The following DNAH17 variants were observed in gnomAD, a reference collection of about 807,000 sequenced individuals.
DNAH17 encodes axonemal beta dynein heavy chain 17.
A neutral mutation model predicts 485.6 loss-of-function variants in DNAH17; 376 were observed. The observed-to-expected ratio is 0.77, with a 90% CI of 0.71 to 0.84. The LOEUF (loss-of-function observed/expected upper bound fraction) is 0.84. Ranked by LOEUF, DNAH17 falls within the 40% of genes least tolerant of loss-of-function variation. The pLI is 0.00. For missense variants in DNAH17, 6,370 were observed against 5,839.3 expected (o/e 1.09, Z -2.96); for synonymous variants, 3,031 against 2,405.9 (o/e 1.26, Z -7.60).
intron 74 of DNAH17, among the ~76,000 whole-genome samples, chr17:78,436,526 G>A (rs1278568286): frequency 6.6e-6 from 1 of 152,134 alleles, no homozygotes; most frequent in South Asian, 2.1e-4. Context: ...AAATGCTGAG[G>A]TGCCAAAAGG....
chr17:78,540,026 G>A (rs924627036), intron 17 of DNAH17, 146 bp from the exon 18 acceptor site: 25 of 725,892 alleles, frequency 3.4e-5, no homozygotes, highest in African/African-American at 1.1e-4. Context: ...GGTGCTGGCC[G>A]CCTTCCTACT....
Position 78,548,202 on chromosome 17 carries a change from CTTTT to C in DNAH17, c.2391+3329_2391+3332del, listed in dbSNP as rs34701814. ...GTTGTTATTTCGTAGATGTCATGGC[CTTTT>C]TTTTTTTTTTTTTTTGGAGACAGAG... On this transcript the variant is annotated intron_variant, in intron 16 of 80. Transcript: ENST00000389840. Among the ~76,000 whole-genome samples, 367 of 80,120 alleles carry C rather than the reference CTTTT, an allele frequency of 4.6e-3. 2 individuals are homozygous for C. The Middle Eastern group carries it at 0.069, about 15-fold the overall frequency. The allele number at this position is 80,120 out of a possible 152,430, so 52.6% of individuals were successfully genotyped here.
At chr17:78,557,636 CAAAA>C (rs34251460) in intron 14 of DNAH17, among the ~76,000 whole-genome samples, 20 of 29,032 alleles carry the variant, frequency 6.9e-4, no homozygotes, top group African/African-American at 1.3e-3. Context: ...GAGACTGTCT[CAAAA>C]AAAAAAAAAA....
chr17:78,448,202 G>GA (rs59164677), intron 69 of DNAH17, among the ~76,000 whole-genome samples: 6,805 of 138,764 alleles, frequency 0.049, 523 homozygotes, highest in African/African-American at 0.16. Context: ...AACCAGAACA[G>GA]AAAAAAAAAA....
chr17:78,481,223 C>T (rs1429977877), intron 48 of DNAH17, among the ~76,000 whole-genome samples: 1 of 151,674 alleles, frequency 6.6e-6, no homozygotes, highest in Non-Finnish European at 1.5e-5. Context: ...CTGCCTCAGC[C>T]TCCCGAGTAG....
intron 56 of DNAH17, among the ~76,000 whole-genome samples, chr17:78,465,681 A>C (rs12946856): frequency 3.4e-4 from 45 of 130,976 alleles, no homozygotes; most frequent in East Asian, 1.2e-3. Context: ...AAGTGAGGAG[A>C]CCCTCTGCCC....
chr17:78,509,270 G>A (rs1432835192), intron 27 of DNAH17, among the ~76,000 whole-genome samples: 4 of 151,512 alleles, frequency 2.6e-5, no homozygotes, highest in African/African-American at 7.3e-5. Flanking sequence ...CCGGTCCCCC[G>A]CTAATTTTTT....
At chr17:78,530,677 C>T (rs2091209956) in intron 20 of DNAH17, among the ~76,000 whole-genome samples, 165 bp from the exon 21 acceptor site, 1 of 152,208 alleles carries the variant, frequency 6.6e-6, no homozygotes, top group Non-Finnish European at 1.5e-5. Flanking sequence ...CATGGGGGCC[C>T]TCATTCCAAG....
intron 61 of DNAH17, 148 bp downstream of exon 61, chr17:78,458,843 CGGCACCATCT>C: frequency 9.6e-7 from 1 of 1,044,964 alleles, no homozygotes; most frequent in Non-Finnish European, 1.4e-6. Context: ...AAGCGGCTCC[CGGCACCATCT>C]GGCCCCTGCC....
At chr17:78,484,174 T>C (rs1315984576) in intron 48 of DNAH17, among the ~76,000 whole-genome samples, 3 of 145,066 alleles carry the variant, frequency 2.1e-5, no homozygotes, top group African/African-American at 7.6e-5. Flanking sequence ...AACCTAAACG[T>C]GCCACCTTTG....
intron 11 of DNAH17, among the ~76,000 whole-genome samples, chr17:78,562,520 G>T (rs767302087): frequency 3.3e-5 from 5 of 152,134 alleles, no homozygotes; most frequent in Admixed American, 3.3e-4. Flanking sequence ...TACTCAGGAG[G>T]CTGAGATGGG....
chr17:78,550,739 C>T (rs1169562311), intron 16 of DNAH17, among the ~76,000 whole-genome samples: 1 of 152,054 alleles, frequency 6.6e-6, no homozygotes, highest in Non-Finnish European at 1.5e-5. Flanking sequence ...GCCGCCCTAG[C>T]AAACACACAC....
rs1332939684 is a variant in DNAH17 at position 78,509,763 on chromosome 17, C to T, written c.4236+621G>A. Among the ~76,000 whole-genome samples the T allele has an allele frequency of 4.6e-5, 7 of 152,022 alleles. No homozygotes were observed. In the East Asian group the frequency reaches 9.6e-4, roughly 21 times the overall value. ...AACTGACGTCCATGGAGGAGTCAGA[C>T]GGGACCACAGACAAAGACGCTTGAG... On this transcript the variant is annotated intron_variant, in intron 27 of 80. Coordinates refer to ENST00000389840, the MANE Select transcript of DNAH17 (RefSeq NM_173628.4).
In DNAH17 at chr17:78,455,817, A is replaced by G. The variant is rs774267411; in HGVS notation, c.9997T>C (p.Ser3333Pro). ...LANRLVGGLASENIRWAESVE... is the reference protein window; with the variant it reads ...LANRLVGGLAPENIRWAESVE... ...GACTCAGCCCAGCGGATGTTTTCCGATGCTAATCCCCCGACCAGCCTAAAG... is the reference window on the plus strand; with the variant it reads ...GACTCAGCCCAGCGGATGTTTTCCGGTGCTAATCCCCCGACCAGCCTAAAG... The change falls in exon 63 of 81, where the codon TCG (serine) becomes CCG (proline). Residue 3333 changes from serine to proline, a missense_variant. Ser to Pro is a moderately conservative substitution (Grantham distance 74). Transcript: ENST00000389840. 3 of 1,605,372 alleles carry G rather than the reference A, an allele frequency of 1.9e-6. No homozygotes were observed. The highest frequency in any genetic ancestry group is 2.6e-6 in the Non-Finnish European group (3 of 1,175,976).
chr17:78,484,739 A>ACCCCCCTTCCCCCC, intron 48 of DNAH17, 129 bp downstream of exon 48: 1 of 347,798 alleles, frequency 2.9e-6, no homozygotes, highest in Non-Finnish European at 4.6e-6. Context: ...ACGTTGCAGC[A>ACCCCCCTTCCCCCC]CCCCCCCCAC....
In DNAH17 at chr17:78,466,955, G is replaced by A; in HGVS notation, c.8779-139C>T. 2 of 862,016 alleles carry A rather than the reference G, an allele frequency of 2.3e-6. 1 individual carries two copies. Among genetic ancestry groups the A allele is most frequent in the South Asian group, 4.5e-5 (2 of 44,672 alleles). The allele number at this position is 862,016 out of a possible 1,614,324, so 53.4% of individuals were successfully genotyped here. A position where few individuals can be genotyped will look rare whatever the true frequency, so the allele number is the denominator to read the frequency against. On this transcript the variant is annotated intron_variant, in intron 55 of 80. Transcript: ENST00000389840. ...CCCAGGGCCTGGGCAGCACAGTCCTGGTTCTGGGTTTGAAGGGCGGCCGCT... is the reference window on the plus strand; with the variant it reads ...CCCAGGGCCTGGGCAGCACAGTCCTAGTTCTGGGTTTGAAGGGCGGCCGCT...
chr17:78,460,281 G>A (rs761729815), intron 58 of DNAH17, 24 bp from the exon 59 acceptor site: 4 of 1,563,930 alleles, frequency 2.6e-6, no homozygotes, highest in South Asian at 1.2e-5. Flanking sequence ...GGACAGGAGA[G>A]GTTACTGCAG....
intron 52 of DNAH17, 48 bp downstream of exon 52, chr17:78,476,524 C>T: frequency 6.4e-7 from 1 of 1,569,670 alleles, no homozygotes; most frequent in Non-Finnish European, 8.6e-7. Flanking sequence ...ACTCCACCCT[C>T]CTGGAGCCAT....
At chr17:78,518,689 A>G (rs2090853385) in intron 25 of DNAH17, among the ~76,000 whole-genome samples, 1 of 152,228 alleles carries the variant, frequency 6.6e-6, no homozygotes, top group African/African-American at 2.4e-5. Context: ...CAACAGAAGC[A>G]GAATACGCAT....
Sources: gnomAD v4.1 joint callset for allele counts (sites outside exome capture counted in the v4.1 genomes callset) on GRCh38, gnomAD v4.1.1 for gene constraint, MANE v1.5 for transcripts, NCBI Gene and HGNC (gene_info 2026-07-23, HGNC 2026-07-21) for gene names.